The following ICA1 variants were observed in gnomAD, a reference collection of about 807,000 sequenced individuals.
ICA1 encodes the protein islet cell autoantigen 1, also known as 69 kDa islet cell autoantigen.
Under a neutral mutation model 71.0 loss-of-function variants are expected in ICA1, and 40 were observed. The ratio of observed to expected loss-of-function variants is 0.56; its 90% CI spans 0.44 to 0.73. ICA1 has a LOEUF of 0.73. ICA1 is among the 30% of genes least tolerant of loss of function. ICA1 has a pLI of 0.00. For synonymous variants in ICA1, 207 were observed against 209.5 expected, an observed-to-expected ratio of 0.99 and a Z score of 0.10; for missense variants, 578 against 576.5, an observed-to-expected ratio of 1.00 and a Z score of -0.03.
chr7:8,199,678 T>C (rs925121659), intron 6 of ICA1, among the ~76,000 whole-genome samples: 1 of 152,140 alleles, frequency 6.6e-6, no homozygotes, highest in African/African-American at 2.4e-5. Flanking sequence ...CATGCCACTG[T>C]GCTCCACACT....
chr7:8,235,532 T>C (rs555167687), intron 2 of ICA1, among the ~76,000 whole-genome samples: 1 of 152,370 alleles, frequency 6.6e-6, no homozygotes, highest in South Asian at 2.1e-4. Flanking sequence ...TCATTCTTTA[T>C]TTTATAGCTA....
chr7:8,165,500 C>A (rs528544445), intron 6 of ICA1, among the ~76,000 whole-genome samples: 1 of 152,256 alleles, frequency 6.6e-6, no homozygotes, highest in East Asian at 1.9e-4. Flanking sequence ...TCCTATTCAA[C>A]ATAATATTGG....
chr7:8,133,846 CTT>C lies in ICA1; in HGVS notation c.1060+4992_1060+4993del, dbSNP rs57086182. 1.9e-3 allele frequency among the ~76,000 whole-genome samples: 229 copies of C among 118,856 alleles called. 1 individual carries two copies. Among genetic ancestry groups the C allele is most frequent in the African/African-American group, 5.5e-3 (173 of 31,730 alleles). 78.0% of individuals were successfully genotyped at this position (118,856 alleles called of 152,430 possible). On this transcript the variant is annotated intron_variant, in intron 12 of 13. Transcript: ENST00000402384. Reference sequence around the variant, plus strand: ...ATTTGTCCCAGTGAGAAAAATCATACTTTTTTTTTTTTTTTTTTTTGCAACCA... The same window carrying C: ...ATTTGTCCCAGTGAGAAAAATCATACTTTTTTTTTTTTTTTTTTGCAACCA...
intron 4 of ICA1, among the ~76,000 whole-genome samples, chr7:8,228,296 T>A (rs946438193): frequency 9.1e-6 from 1 of 110,164 alleles, no homozygotes; most frequent in African/African-American, 1.1e-4. Flanking sequence ...ATAATCACAT[T>A]AAAAAAAAAC....
chr7:8,152,725 TCAC>T (rs1473634532), intron 8 of ICA1, among the ~76,000 whole-genome samples: 5 of 19,714 alleles, frequency 2.5e-4, no homozygotes, highest in Admixed American at 8.7e-4. Context: ...TCCTCCACCA[TCAC>T]CACCACCACC....
chr7:8,195,392 A>G (rs984429418), intron 6 of ICA1, among the ~76,000 whole-genome samples: 6 of 151,764 alleles, frequency 4.0e-5, no homozygotes, highest in African/African-American at 1.5e-4. Context: ...AATAGAAAAA[A>G]TTAGCCGGGT....
At chr7:8,175,593 T>C (rs916520641) in intron 6 of ICA1, among the ~76,000 whole-genome samples, 26 of 152,178 alleles carry the variant, frequency 1.7e-4, no homozygotes, top group African/African-American at 5.3e-4. Context: ...TATAAAAACA[T>C]GGCATGCAAC....
chr7:8,212,496 C>T (rs940069923), intron 6 of ICA1, among the ~76,000 whole-genome samples: 4 of 4,680 alleles, frequency 8.5e-4, no homozygotes, highest in Non-Finnish European at 1.2e-3. Context: ...ACCTGGGAAG[C>T]GGAGGTTGCA....
chr7:8,226,790 G>T lies in ICA1; in HGVS notation c.256+1811C>A, dbSNP rs17145812. 0.084 allele frequency among the ~76,000 whole-genome samples: 12,762 copies of T among 152,232 alleles called. 1,279 individuals are homozygous for T. The highest frequency in any genetic ancestry group is 0.24 in the African/African-American group (10,155 of 41,494). ...ACCAGGTGACTGCTTCAACGGTGGG[G>T]ACATTATTCTAACCCTTTATATTAC... On this transcript the variant is annotated intron_variant, in intron 4 of 13. Transcript: ENST00000402384. This position sits in a 1 kb window ranked among gnomAD's most constrained non-coding sequence, Gnocchi z 4.4.
intron 6 of ICA1, among the ~76,000 whole-genome samples, chr7:8,196,478 G>GTTGTAGACTTTGGT (rs1288265183): frequency 6.6e-6 from 1 of 152,136 alleles, no homozygotes; most frequent in Non-Finnish European, 1.5e-5. Context: ...AACACAAAGA[G>GTTGTAGACTTTGGT]TGAACCCTAA....
chr7:8,225,903 T>C, intron 4 of ICA1, among the ~76,000 whole-genome samples: 1 of 152,180 alleles, frequency 6.6e-6, no homozygotes, highest in East Asian at 1.9e-4. Context: ...CCCATATTCC[T>C]ATAAGAAACA....
intron 6 of ICA1, among the ~76,000 whole-genome samples, chr7:8,180,311 C>T (rs768098617): frequency 6.6e-6 from 1 of 152,080 alleles, no homozygotes; most frequent in Non-Finnish European, 1.5e-5. Context: ...TTTCATTCAA[C>T]ATCACACCCA....
intron 5 of ICA1, among the ~76,000 whole-genome samples, chr7:8,220,831 G>C (rs73233981): frequency 0.04 from 6,086 of 152,190 alleles, 412 homozygotes; most frequent in African/African-American, 0.14. Flanking sequence ...GGTCTGAGCA[G>C]TGTGGACCTG....
At position 8,223,917 on chromosome 7, in the gene ICA1, T is replaced by C. The variant is rs547324174; in HGVS notation, c.257-2519A>G. On this transcript the variant is annotated intron_variant, in intron 4 of 13. Coordinates refer to ENST00000402384, the MANE Select transcript of ICA1 (RefSeq NM_001136020.3). The surrounding 1 kb of genome is among the most constrained non-coding windows in gnomAD (Gnocchi z 4.1). ...GATGTGCCGTTAAAAACAAGGCAAC[T>C]ATGGAACTATGAAATTAATTAGCTG... Among the ~76,000 whole-genome samples the C allele has an allele frequency of 4.6e-5, 7 of 152,332 alleles. No individual in the cohort carries two copies. In the South Asian group the frequency reaches 1.4e-3, roughly 32 times the overall value.
At chr7:8,212,777 C>G (rs1021359432) in intron 6 of ICA1, among the ~76,000 whole-genome samples, 1 of 152,132 alleles carries the variant, frequency 6.6e-6, no homozygotes, top group Admixed American at 6.5e-5. Flanking sequence ...GGAGCAGCAG[C>G]CAGCCAGCCA....
intron 6 of ICA1, among the ~76,000 whole-genome samples, chr7:8,170,342 A>G (rs1807844163): frequency 6.6e-6 from 1 of 152,012 alleles, no homozygotes; most frequent in African/African-American, 2.4e-5. Context: ...ACATTTCTAT[A>G]CAAATCTTAG....
chr7:8,156,701 C>T, intron 8 of ICA1: 1 of 851,242 alleles, frequency 1.2e-6, no homozygotes, highest in South Asian at 2.7e-5. Flanking sequence ...AGGAGGACAC[C>T]TTCTCAAGTG....
intron 1 of ICA1, among the ~76,000 whole-genome samples, chr7:8,253,463 T>G (rs765439701): frequency 1.2e-4 from 18 of 152,176 alleles, no homozygotes; most frequent in Non-Finnish European, 2.4e-4. Flanking sequence ...ATACAATATG[T>G]ATCCACAAAT....
intron 6 of ICA1, among the ~76,000 whole-genome samples, chr7:8,211,444 T>C (rs879874843): frequency 3.3e-5 from 5 of 152,096 alleles, no homozygotes; most frequent in African/African-American, 9.7e-5. Flanking sequence ...CCTGAAGAAA[T>C]GGATCTTCTG....
Sources: allele counts gnomAD v4.1 joint callset (sites outside exome capture counted in the v4.1 genomes callset), GRCh38; gene constraint gnomAD v4.1.1; non-coding constraint Gnocchi (gnomAD v3.1); transcripts MANE v1.5; gene names NCBI Gene and HGNC (gene_info 2026-07-23, HGNC 2026-07-21).